Variants in CLCN7 observed in about 807,000 individuals in gnomAD.
CLCN7 encodes the protein H(+)/Cl(-) exchange transporter 7.
In CLCN7, 60 loss-of-function variants were observed where a neutral mutation model predicts 102.1. The ratio of observed to expected loss-of-function variants is 0.59; its 90% CI spans 0.48 to 0.73. The LOEUF (loss-of-function observed/expected upper bound fraction) is 0.73. CLCN7 is among the 30% of genes least tolerant of loss of function. The pLI is 0.00. For synonymous variants in CLCN7, 560 were observed against 490.5 expected (o/e 1.14, Z -1.87); for missense variants, 962 against 1,125.7 (o/e 0.85, Z 2.08).
intron 14 of CLCN7, 34 bp downstream of exon 14, chr16:1,453,800 T>C (rs1362921015): frequency 5.6e-6 from 9 of 1,608,938 alleles, no homozygotes; most frequent in African/African-American, 2.7e-5. Context: ...TGGCCACGCC[T>C]GCCAACGCGA....
rs1433553110 is a variant in CLCN7, at chr16:1,457,279, G to C, written c.797C>G (p.Ser266Ter). 6.2e-7 allele frequency: 1 copy of C among 1,614,050 alleles called. No individual in the cohort carries two copies. Among genetic ancestry groups the C allele is most frequent in the Non-Finnish European group, 8.5e-7 (1 of 1,180,018 alleles). Reference protein sequence around the residue: ...VIAAGISQGRSTSLKRDFKIF... With the variant: ...VIAAGISQGR ...CTTGAAATCTCGTTTCAGTGACGTT[G>C]ACCTTCCCTGAGAGATCCCGGCGGC... Residue 266 changes from serine (S) to a stop codon, truncating the protein, a stop_gained, in exon 9 of 25, where the codon TCA becomes TGA. Transcript: ENST00000382745. LOFTEE classifies it high-confidence loss of function. The surrounding 1 kb of genome is among the most constrained non-coding windows in gnomAD (Gnocchi z 5.4).
chr16:1,446,426 C>A lies in CLCN7; in HGVS notation c.*205G>T. 3 of 703,524 alleles carry A rather than the reference C, an allele frequency of 4.3e-6. No homozygotes were observed. The highest frequency in any genetic ancestry group is 7.8e-6 in the Non-Finnish European group (3 of 385,870). 43.6% of individuals were successfully genotyped at this position (703,524 alleles called of 1,614,324 possible). A position where few individuals can be genotyped will look rare whatever the true frequency, so the allele number is the denominator to read the frequency against. On this transcript the variant is annotated 3_prime_UTR_variant, in exon 25 of 25. Transcript: ENST00000382745. ...GAGGCTGGGCCTGCGCAAGGAGGCG[C>A]CAAGGGGGGAGACCACTGCCCACAA... is the stretch of plus-strand genomic sequence containing the variant.
intron 1 of CLCN7, chr16:1,474,441 C>T (rs191409370): frequency 5.8e-6 from 2 of 342,620 alleles, no homozygotes; most frequent in East Asian, 1.7e-4. Flanking sequence ...AAATTAGTTG[C>T]TCGTGTAGGA....
In CLCN7 at chr16:1,457,163, TG is replaced by T; in HGVS notation, c.822+90del. The T allele has an allele frequency of 2.5e-6, 3 of 1,221,126 alleles. No individual in the cohort carries two copies. Among genetic ancestry groups the T allele is most frequent in the Non-Finnish European group, 3.6e-6 (3 of 825,282 alleles). 75.6% of individuals were successfully genotyped at this position (1,221,126 alleles called of 1,614,324 possible). On this transcript the variant is annotated intron_variant, in intron 9 of 24. Coordinates refer to ENST00000382745, the MANE Select transcript of CLCN7 (RefSeq NM_001287.6). This position sits in a 1 kb window ranked among gnomAD's most constrained non-coding sequence, Gnocchi z 5.4. The stretch of plus-strand genomic sequence containing the variant: ...TCAGATGGGGCTGGGGCTCTCGGCC[TG>T]GGGGTGCTGAGGGAAGCCCATCTCC...
chr16:1,448,170 C>T (rs1030126545), intron 21 of CLCN7, 185 bp downstream of exon 21: 1 of 834,404 alleles, frequency 1.2e-6, no homozygotes, highest in Non-Finnish European at 1.9e-6. Flanking sequence ...GGCCGCAGCC[C>T]CCCCCACCAG....
chr16:1,457,633 C>T lies in CLCN7; in HGVS notation c.738+61G>A, dbSNP rs543592651. ...TGCTCAGAGACACACATGGGCGTGG[C>T]GGCCCTCGCGGGCCCGGCGGCCTCA... is the stretch of plus-strand genomic sequence containing the variant. On this transcript the variant is annotated intron_variant, in intron 8 of 24. Coordinates refer to ENST00000382745, the MANE Select transcript of CLCN7 (RefSeq NM_001287.6). The surrounding 1 kb of genome is among the most constrained non-coding windows in gnomAD (Gnocchi z 5.4). 1.2e-4 allele frequency: 184 copies of T among 1,542,608 alleles called. 3 individuals carry two copies. The East Asian group carries it at 1.6e-3, about 14-fold the overall frequency.
rs73492051 is a variant in CLCN7, at chr16:1,453,443, C to T, written c.1214+391G>A. The stretch of plus-strand genomic sequence containing the variant: ...GCGCTACCCGTGCCCCGGCTGTACC[C>T]GACAGTATTGAAATCAGCACAGACC... On this transcript the variant is annotated intron_variant, in intron 14 of 24. Transcript: ENST00000382745. 3.9e-3 allele frequency among the ~76,000 whole-genome samples: 591 copies of T among 152,318 alleles called. 4 individuals are homozygous for T. Among genetic ancestry groups the T allele is most frequent in the African/African-American group, 0.013 (549 of 41,562 alleles).
chr16:1,452,621 T>G, intron 15 of CLCN7, 134 bp downstream of exon 15: 4 of 945,616 alleles, frequency 4.2e-6, no homozygotes, highest in Non-Finnish European at 4.7e-6. Flanking sequence ...TAACCCTCTT[T>G]GAGACACGCC....
At chr16:1,453,792 G>A (rs1179167611) in intron 14 of CLCN7, 42 bp downstream of exon 14, 5 of 1,593,970 alleles carry the variant, frequency 3.1e-6, no homozygotes, top group Non-Finnish European at 4.3e-6. Flanking sequence ...GGCCTGTGTG[G>A]CCACGCCTGC....
chr16:1,452,823 AGGCAACTGT>A lies in CLCN7; in HGVS notation c.1276_1284del (p.Thr426_Ala428del). ...TCCCGCGACGAGTAGATCAGCACGA[AGGCAACTGT>A]GGCCGTGACGGCGGCCACCAGCACG... On this transcript the variant is annotated inframe_deletion, in exon 15 of 25. Transcript: ENST00000382745. 1 of 1,603,008 alleles carries A rather than the reference AGGCAACTGT, an allele frequency of 6.2e-7. No homozygotes were observed. Among genetic ancestry groups the A allele is most frequent in the Non-Finnish European group, 8.5e-7 (1 of 1,175,214 alleles).
chr16:1,453,627 C>T (rs1232032282), intron 14 of CLCN7, among the ~76,000 whole-genome samples: 3 of 152,244 alleles, frequency 2.0e-5, no homozygotes, highest in Non-Finnish European at 4.4e-5. Context: ...CCTCGCACTC[C>T]TAGCCTTGGG....
chr16:1,461,666 G>A lies in CLCN7; in HGVS notation c.222C>T (p.Asp74=). Residue 74 remains aspartate, a synonymous_variant, in exon 3 of 25, where the codon GAC becomes GAT. Transcript: ENST00000382745. ...LDDELLDPDM[D]PPHPFPKEIP... is the part of the protein sequence containing the mutation. ...TCTCCTTGGGGAAGGGATGTGGAGGGTCCATATCCTGTGGCAGAAAAAGGC... is the reference window on the plus strand; with the variant it reads ...TCTCCTTGGGGAAGGGATGTGGAGGATCCATATCCTGTGGCAGAAAAAGGC... 1 of 1,613,746 alleles carries A rather than the reference G, an allele frequency of 6.2e-7. No individual in the cohort carries two copies. Among genetic ancestry groups the A allele is most frequent in the Non-Finnish European group, 8.5e-7 (1 of 1,179,748 alleles).
chr16:1,472,117 C>A (rs2039086861), intron 1 of CLCN7, among the ~76,000 whole-genome samples: 1 of 152,272 alleles, frequency 6.6e-6, no homozygotes, highest in Non-Finnish European at 1.5e-5. Flanking sequence ...GCGCCTGCGT[C>A]CCAGGCAGCC....
chr16:1,474,413 G>A, intron 1 of CLCN7: 2 of 337,982 alleles, frequency 5.9e-6, no homozygotes, highest in South Asian at 4.4e-5. Context: ...ATCTCCCAGG[G>A]GGTCAAAAAC....
intron 9 of CLCN7, among the ~76,000 whole-genome samples, chr16:1,456,839 A>C (rs76887596): frequency 4.2e-5 from 5 of 119,842 alleles, no homozygotes; most frequent in East Asian, 2.0e-4. Context: ...ACTCCATCTC[A>C]AAAAAAAAAA....
intron 2 of CLCN7, among the ~76,000 whole-genome samples, chr16:1,462,886 C>T (rs868406265): frequency 1.5e-4 from 23 of 151,970 alleles, no homozygotes; most frequent in Middle Eastern, 3.4e-3. Flanking sequence ...CTGGGCCGGG[C>T]GCAATGGCTG....
chr16:1,449,617 C>T, intron 17 of CLCN7: 1 of 510,420 alleles, frequency 2.0e-6, no homozygotes, highest in Admixed American at 3.4e-5. Context: ...GGAGCACCGT[C>T]CAGCATGAGG....
chr16:1,468,112 C>T (rs968172768), intron 1 of CLCN7, among the ~76,000 whole-genome samples: 3 of 152,030 alleles, frequency 2.0e-5, no homozygotes, highest in Non-Finnish European at 4.4e-5. Flanking sequence ...CCAAACAAAA[C>T]GAAAACAGCC....
At chr16:1,468,315 G>C (rs919273156) in intron 1 of CLCN7, among the ~76,000 whole-genome samples, 2 of 152,336 alleles carry the variant, frequency 1.3e-5, no homozygotes, top group African/African-American at 4.8e-5. Flanking sequence ...AGGGGTGAGG[G>C]GTGAGGGGTT....
Sources: allele counts gnomAD v4.1 joint callset (sites outside exome capture counted in the v4.1 genomes callset), GRCh38; gene constraint gnomAD v4.1.1; non-coding constraint Gnocchi (gnomAD v3.1); transcripts MANE v1.5; gene names NCBI Gene and HGNC (gene_info 2026-07-23, HGNC 2026-07-21).